Variants in MAGI2 observed in about 807,000 individuals in gnomAD.
MAGI2 encodes the protein membrane associated guanylate kinase, WW and PDZ domain containing 2, also known as membrane-associated guanylate kinase, WW and PDZ domain-containing protein 2.
MAGI2 carries 35 observed loss-of-function variants against 133.3 expected under a neutral mutation model. That is an observed-to-expected ratio of 0.26 (90% CI 0.20 to 0.35). The LOEUF is 0.35. MAGI2 is among the 10% of genes least tolerant of loss of function. MAGI2 has a pLI of 1.00. For missense variants in MAGI2, 1,636 were observed against 1,863.4 expected (o/e 0.88, Z 2.25); for synonymous variants, 729 against 710.6 (o/e 1.03, Z -0.41).
chr7:78,776,100 C>G (rs1825966873), intron 2 of MAGI2, among the ~76,000 whole-genome samples: 2 of 152,176 alleles, frequency 1.3e-5, no homozygotes, highest in Middle Eastern at 3.2e-3. Flanking sequence ...CCATGAGGAT[C>G]AAATGAAATT....
intron 2 of MAGI2, among the ~76,000 whole-genome samples, chr7:78,824,135 C>T (rs1326573068): frequency 2.6e-5 from 4 of 152,192 alleles, no homozygotes; most frequent in Admixed American, 2.0e-4. Flanking sequence ...CTGGATGTTA[C>T]ATATCTCTCT....
intron 2 of MAGI2, among the ~76,000 whole-genome samples, chr7:78,689,899 T>C (rs562619884): frequency 1.3e-5 from 2 of 152,234 alleles, no homozygotes; most frequent in East Asian, 1.9e-4. Context: ...GTAAGTCTTA[T>C]TGGCAGTATT....
At chr7:78,556,827 G>A (rs1171040351) in intron 3 of MAGI2, among the ~76,000 whole-genome samples, 3 of 151,938 alleles carry the variant, frequency 2.0e-5, no homozygotes, top group Non-Finnish European at 4.4e-5. Flanking sequence ...GGTGGCTCAC[G>A]CCTGTAATCC....
intron 3 of MAGI2, among the ~76,000 whole-genome samples, chr7:78,596,177 A>C (rs1804579305): frequency 2.1e-5 from 1 of 48,684 alleles, no homozygotes; most frequent in Non-Finnish European, 4.8e-5. Flanking sequence ...GAAGAAATGA[A>C]GGAAGGGAGG....
chr7:79,233,842 G>A (rs1374610584), intron 1 of MAGI2, among the ~76,000 whole-genome samples: 2 of 151,082 alleles, frequency 1.3e-5, no homozygotes, highest in African/African-American at 4.9e-5. Context: ...TCATTATGAT[G>A]TTAGCTGGTG....
chr7:78,591,030 G>C (rs1469995093), intron 3 of MAGI2, among the ~76,000 whole-genome samples: 2 of 151,966 alleles, frequency 1.3e-5, no homozygotes, highest in Non-Finnish European at 2.9e-5. Context: ...TTATTCCTTT[G>C]ACAAATATTA....
chr7:78,493,076 C>T (rs1793767714), intron 5 of MAGI2, among the ~76,000 whole-genome samples: 1 of 152,078 alleles, frequency 6.6e-6, no homozygotes, highest in African/African-American at 2.4e-5. Flanking sequence ...TGGGCATATC[C>T]CAAACTCTTC....
chr7:78,779,507 G>A lies in MAGI2; in HGVS notation c.419-152268C>T, dbSNP rs560309007. ...AAAGACGGAAGAAAGAGAAGAAATA[G>A]TTACCTGGTCTACCTAGAGACCAGA... On this transcript the variant is annotated intron_variant, in intron 2 of 21. Coordinates refer to ENST00000354212, the MANE Select transcript of MAGI2 (RefSeq NM_012301.4). Among the ~76,000 whole-genome samples the A allele has an allele frequency of 2.6e-5, 4 of 152,320 alleles. No individual in the cohort carries two copies. The Middle Eastern group carries it at 0.01, about 389-fold the overall frequency.
intron 2 of MAGI2, among the ~76,000 whole-genome samples, chr7:78,777,476 TATC>T (rs1189601067): frequency 6.6e-6 from 1 of 152,052 alleles, no homozygotes. Context: ...TCACCATCAA[TATC>T]ATCATCACCA....
intron 1 of MAGI2, among the ~76,000 whole-genome samples, chr7:79,168,113 C>T (rs983284484): frequency 3.3e-5 from 5 of 152,072 alleles, no homozygotes; most frequent in Admixed American, 3.3e-4. Flanking sequence ...ATGCTAATGA[C>T]TGGCTTGTTA....
intron 6 of MAGI2, among the ~76,000 whole-genome samples, chr7:78,385,909 A>G (rs1456616113): frequency 6.6e-6 from 1 of 152,214 alleles, no homozygotes; most frequent in Admixed American, 6.5e-5. Flanking sequence ...ATGAGCATCC[A>G]CTTCAAATAT....
In MAGI2 at chr7:78,345,933, G is replaced by T. The variant is rs1193089499; in HGVS notation, c.1214C>A (p.Pro405Gln). Reference protein sequence around the residue: ...TELGTKPLQAPGFREKPLFTR... With the variant: ...TELGTKPLQAQGFREKPLFTR... Reference sequence around the variant, plus strand: ...GACAGGTATCATACCTCGGAAACCTGGGGCCTGCAGGGGCTTTGTTCCAAG... The same window carrying T: ...GACAGGTATCATACCTCGGAAACCTTGGGCCTGCAGGGGCTTTGTTCCAAG... The change falls in exon 8 of 22, where the codon CCA becomes CAA. Residue 405 changes from proline to glutamine, a missense_variant. Transcript: ENST00000354212. 6.2e-7 allele frequency: 1 copy of T among 1,614,044 alleles called. No homozygotes were observed. Among genetic ancestry groups the T allele is most frequent in the Admixed American group, 1.7e-5 (1 of 59,988 alleles).
intron 2 of MAGI2, among the ~76,000 whole-genome samples, chr7:78,763,113 C>T (rs190413483): frequency 3.5e-4 from 54 of 152,270 alleles, no homozygotes; most frequent in South Asian, 6.2e-4. Flanking sequence ...CTTTCAGGTT[C>T]AGGGGATATG....
At chr7:78,549,511 C>T (rs1799156592) in intron 3 of MAGI2, among the ~76,000 whole-genome samples, 1 of 152,062 alleles carries the variant, frequency 6.6e-6, no homozygotes, top group Non-Finnish European at 1.5e-5. Context: ...GGATCACCTA[C>T]TATAAAGCCA....
chr7:79,190,190 T>G (rs982896964), intron 1 of MAGI2, among the ~76,000 whole-genome samples: 1 of 152,020 alleles, frequency 6.6e-6, no homozygotes. Context: ...TTAAGCTTTG[T>G]TAGAAACTGC....
chr7:78,602,598 A>T (rs557156191), intron 3 of MAGI2, among the ~76,000 whole-genome samples: 21 of 152,336 alleles, frequency 1.4e-4, no homozygotes, highest in African/African-American at 4.8e-4. Context: ...AGAGCATTAA[A>T]AAAAGCTGAA....
chr7:78,425,305 G>A lies in MAGI2; in HGVS notation c.1046-56092C>T, dbSNP rs149339407. ...CTCCTTCTTGCCTTCCACCGTGATT[G>A]TGAGGCTTCCTCAGCCACGTGGAAC... On this transcript the variant is annotated intron_variant, in intron 6 of 21. Transcript: ENST00000354212. 5.3e-3 allele frequency among the ~76,000 whole-genome samples: 814 copies of A among 152,232 alleles called. 6 individuals are homozygous for A. The highest frequency in any genetic ancestry group is 0.019 in the African/African-American group (783 of 41,530).
At chr7:78,162,639 A>G (rs1382712334) in intron 15 of MAGI2, among the ~76,000 whole-genome samples, 2 of 152,166 alleles carry the variant, frequency 1.3e-5, no homozygotes, top group Non-Finnish European at 2.9e-5. Flanking sequence ...AACTAAGTCA[A>G]TGTGAGGATT....
chr7:78,166,353 T>C (rs1584232929), intron 15 of MAGI2, among the ~76,000 whole-genome samples: 1 of 152,348 alleles, frequency 6.6e-6, no homozygotes, highest in Middle Eastern at 3.4e-3. Context: ...CACAGCAAAC[T>C]TTTTATTAAA....
Sources: gnomAD v4.1 joint callset for allele counts (sites outside exome capture counted in the v4.1 genomes callset) on GRCh38, gnomAD v4.1.1 for gene constraint, MANE v1.5 for transcripts, NCBI Gene and HGNC (gene_info 2026-07-23, HGNC 2026-07-21) for gene names.